The following LRRC7 variants were observed in gnomAD, a reference collection of about 807,000 sequenced individuals.
LRRC7 encodes leucine rich repeat containing 7.
In LRRC7, 23 loss-of-function variants were observed where a neutral mutation model predicts 175.7. The observed-to-expected ratio is 0.13, with a 90% CI of 0.09 to 0.19. The LOEUF (loss-of-function observed/expected upper bound fraction) is 0.19, where lower values mean the gene tolerates loss of function less well. Ranked by LOEUF, LRRC7 falls within the 10% of genes least tolerant of loss-of-function variation. LRRC7 has a pLI of 1.00. For synonymous variants in LRRC7, 685 were observed against 680.9 expected, an observed-to-expected ratio of 1.01 and a Z score of -0.09; for missense variants, 1,354 against 1,904.7, an observed-to-expected ratio of 0.71 and a Z score of 5.38.
intron 1 of LRRC7, among the ~76,000 whole-genome samples, chr1:69,646,805 G>C (rs961757944): frequency 2.5e-4 from 38 of 152,218 alleles, no homozygotes; most frequent in Middle Eastern, 3.4e-3. Context: ...TCTGTTAAAT[G>C]ATTTGACACC....
intron 1 of LRRC7, among the ~76,000 whole-genome samples, chr1:69,670,670 G>C (rs1399273541): frequency 6.6e-6 from 1 of 152,156 alleles, no homozygotes; most frequent in Non-Finnish European, 1.5e-5. Context: ...AAAAACCTTA[G>C]GAGTATACCT....
chr1:69,842,509 C>G (rs1007232858), intron 7 of LRRC7, among the ~76,000 whole-genome samples: 5 of 152,106 alleles, frequency 3.3e-5, no homozygotes, highest in Non-Finnish European at 5.9e-5. Flanking sequence ...AGGCATGAAA[C>G]ATGATACCTC....
chr1:69,720,275 T>C (rs928889314), intron 2 of LRRC7, among the ~76,000 whole-genome samples: 2 of 151,578 alleles, frequency 1.3e-5, no homozygotes, highest in Admixed American at 1.3e-4. Context: ...AGATATGCAT[T>C]CTTATACTGT....
At chr1:69,870,418 G>C (rs1020187750) in intron 7 of LRRC7, among the ~76,000 whole-genome samples, 3 of 151,982 alleles carry the variant, frequency 2.0e-5, no homozygotes, top group Non-Finnish European at 4.4e-5. Flanking sequence ...CTGGTATCAA[G>C]TATAGAAGCA....
intron 1 of LRRC7, among the ~76,000 whole-genome samples, chr1:69,619,762 ACTT>A (rs1015588542): frequency 1.4e-4 from 22 of 152,118 alleles, no homozygotes; most frequent in African/African-American, 5.3e-4. Flanking sequence ...ATATTTAAAA[ACTT>A]CTCTGATAAG....
intron 7 of LRRC7, among the ~76,000 whole-genome samples, chr1:69,875,825 A>C (rs1570452763): frequency 6.6e-6 from 1 of 151,550 alleles, no homozygotes; most frequent in African/African-American, 2.4e-5. Flanking sequence ...TTTTACATTC[A>C]TGAGTAGTAG....
intron 2 of LRRC7, among the ~76,000 whole-genome samples, chr1:69,694,663 G>A (rs1185715353): frequency 6.6e-6 from 1 of 151,976 alleles, no homozygotes; most frequent in Non-Finnish European, 1.5e-5. Context: ...ACTTGGTGTT[G>A]TTCTCATGAT....
chr1:70,075,987 T>C (rs1389292638), intron 23 of LRRC7, 90 bp from the exon 24 acceptor site: 2 of 1,375,196 alleles, frequency 1.5e-6, no homozygotes, highest in African/African-American at 2.9e-5. Flanking sequence ...GGTGCCGCTT[T>C]ACCAGAGAGG....
At chr1:69,718,543 G>A (rs1294456718) in intron 2 of LRRC7, among the ~76,000 whole-genome samples, 1 of 151,748 alleles carries the variant, frequency 6.6e-6, no homozygotes, top group Non-Finnish European at 1.5e-5. Context: ...TCTGGGATTG[G>A]ATAAAGCATG....
At chr1:70,072,222 T>C (rs1036642735) in intron 23 of LRRC7, among the ~76,000 whole-genome samples, 1 of 152,228 alleles carries the variant, frequency 6.6e-6, no homozygotes, top group Non-Finnish European at 1.5e-5. Flanking sequence ...CTTTTTACTA[T>C]TCAAAATGTG....
chr1:70,066,493 C>T (rs932263865), intron 23 of LRRC7, among the ~76,000 whole-genome samples: 1 of 151,888 alleles, frequency 6.6e-6, no homozygotes, highest in African/African-American at 2.4e-5. Flanking sequence ...ATGTATGTAA[C>T]CTTTTGGGAT....
chr1:70,044,228 G>A (rs1344124251), intron 22 of LRRC7, 134 bp downstream of exon 22: 4 of 760,318 alleles, frequency 5.3e-6, no homozygotes, highest in Admixed American at 2.6e-5. Context: ...ACAAGGGCAA[G>A]TAATGTAGAG....
At chr1:69,845,786 T>C (rs1490011083) in intron 7 of LRRC7, among the ~76,000 whole-genome samples, 4 of 152,146 alleles carry the variant, frequency 2.6e-5, no homozygotes, top group Non-Finnish European at 5.9e-5. Flanking sequence ...ACAGAATGGC[T>C]TTTTGATGTT....
intron 23 of LRRC7, among the ~76,000 whole-genome samples, chr1:70,058,786 G>A (rs567717646): frequency 6.6e-6 from 1 of 152,220 alleles, no homozygotes; most frequent in South Asian, 2.1e-4. Context: ...TAATATGAAG[G>A]TGATACTATA....
chr1:69,717,801 A>G (rs1395394309), intron 2 of LRRC7, among the ~76,000 whole-genome samples: 1 of 41,926 alleles, frequency 2.4e-5, no homozygotes, highest in Non-Finnish European at 4.3e-5. Flanking sequence ...AAAGAAAGAA[A>G]GAAAGAAAGA....
intron 2 of LRRC7, among the ~76,000 whole-genome samples, chr1:69,714,455 T>G (rs1665116705): frequency 6.7e-6 from 1 of 150,104 alleles, no homozygotes; most frequent in South Asian, 2.1e-4. Context: ...TTGAAAAGTG[T>G]TATGAGAGGA....
chr1:69,856,469 A>G (rs1354738182), intron 7 of LRRC7, among the ~76,000 whole-genome samples: 1 of 152,206 alleles, frequency 6.6e-6, no homozygotes, highest in Non-Finnish European at 1.5e-5. Flanking sequence ...CTACCATCAG[A>G]GAATACTATA....
At chr1:69,712,080 C>G (rs1190438670) in intron 2 of LRRC7, among the ~76,000 whole-genome samples, 1 of 152,020 alleles carries the variant, frequency 6.6e-6, no homozygotes, top group Non-Finnish European at 1.5e-5. Context: ...AGAGTTATGG[C>G]CCAAAGCAAG....
chr1:69,570,345 G>A (rs1461305164), intron 1 of LRRC7, among the ~76,000 whole-genome samples: 2 of 151,898 alleles, frequency 1.3e-5, no homozygotes, highest in Non-Finnish European at 2.9e-5. Flanking sequence ...AAAGTTGATC[G>A]GAGGCGAAAT....
Sources: allele counts gnomAD v4.1 joint callset (sites outside exome capture counted in the v4.1 genomes callset), GRCh38; gene constraint gnomAD v4.1.1; transcripts MANE v1.5; gene names NCBI Gene and HGNC (gene_info 2026-07-23, HGNC 2026-07-21).